The following LNPEP variants were observed in gnomAD, a reference collection of about 807,000 sequenced individuals.
LNPEP encodes leucyl and cystinyl aminopeptidase.
A neutral mutation model predicts 120.6 loss-of-function variants in LNPEP; 64 were observed. That is an observed-to-expected ratio of 0.53 (90% CI 0.43 to 0.65). The LOEUF (loss-of-function observed/expected upper bound fraction) is 0.65. Among genes scored for constraint, LNPEP ranks in the 30% least tolerant of loss-of-function variants. LNPEP has a pLI of 0.00. For synonymous variants in LNPEP, 435 were observed against 425.4 expected (o/e 1.02, Z -0.28); for missense variants, 1,057 against 1,200.0 (o/e 0.88, Z 1.76).
intron 11 of LNPEP, among the ~76,000 whole-genome samples, chr5:97,008,695 C>G (rs1235397344): frequency 8.5e-6 from 1 of 117,702 alleles, no homozygotes. Context: ...GACAGAGTCT[C>G]GCTCTGTTGC....
chr5:97,006,549 G>A (rs1790792196), intron 11 of LNPEP, 34 bp downstream of exon 11: 2 of 1,133,956 alleles, frequency 1.8e-6, no homozygotes, highest in East Asian at 2.4e-5. Context: ...ATTGGAAATG[G>A]CATAATTTTA....
rs894501838 is a variant in LNPEP, at chr5:97,037,051, A to C, written c.*8518A>C. 1 of 152,186 alleles carries C rather than the reference A, an allele frequency of 6.6e-6. No individual in the cohort carries two copies. The highest frequency in any genetic ancestry group is 1.5e-5 in the Non-Finnish European group (1 of 68,026). The allele number at this position is 152,186 out of a possible 1,614,324, so 9.4% of individuals were successfully genotyped here. A position where few individuals can be genotyped will look rare whatever the true frequency, so the allele number is the denominator to read the frequency against. On this transcript the variant is annotated 3_prime_UTR_variant, in exon 18 of 18. Transcript: ENST00000231368. ...ACGCTGTGTATGTATGTGTATATAA[A>C]ATGAGAATTATGGCATAATTGGAGC...
At chr5:96,942,413 G>A (rs1052753448) in intron 1 of LNPEP, 3 of 152,284 alleles carry the variant, frequency 2.0e-5, no homozygotes, top group African/African-American at 7.2e-5. Context: ...CAGCACTTTG[G>A]GAGGCTGAGG....
intron 1 of LNPEP, among the ~76,000 whole-genome samples, chr5:96,970,964 C>T (rs1417727648): frequency 6.6e-6 from 1 of 152,008 alleles, no homozygotes; most frequent in Non-Finnish European, 1.5e-5. Context: ...TTCTCTCCTT[C>T]CTGAAGATCT....
At position 97,022,280 on chromosome 5, in the gene LNPEP, A is replaced by G. The variant is rs1429125648; in HGVS notation, c.2377-20A>G. The G allele has an allele frequency of 7.1e-7, 1 of 1,402,000 alleles. No homozygotes were observed. The highest frequency in any genetic ancestry group is 2.0e-5 in the Admixed American group (1 of 50,726). 86.8% of individuals were successfully genotyped at this position (1,402,000 alleles called of 1,614,324 possible). The stretch of plus-strand genomic sequence containing the variant: ...GTCCTAATTATTATGAAGCCATTAT[A>G]ATCTATTTTGTCTCTCTAGACTAGG... On this transcript the variant is annotated intron_variant, in intron 13 of 17. Transcript: ENST00000231368.
intron 2 of LNPEP, among the ~76,000 whole-genome samples, chr5:96,983,603 G>A (rs1024972123): frequency 4.6e-5 from 7 of 151,978 alleles, no homozygotes; most frequent in Non-Finnish European, 7.4e-5. Context: ...GTGCTACCAT[G>A]CCTGGCTAAT....
At chr5:96,971,576 AT>A (rs1401723693) in intron 1 of LNPEP, among the ~76,000 whole-genome samples, 1 of 151,784 alleles carries the variant, frequency 6.6e-6, no homozygotes, top group Non-Finnish European at 1.5e-5. Context: ...TGCTGTGTTT[AT>A]TTTTCTTCAA....
At position 96,951,814 on chromosome 5, in the gene LNPEP, A is replaced by T. The variant is rs1018690329; in HGVS notation, c.19+15640A>T. Reference sequence around the variant, plus strand: ...GATGATCCAAAAAACCCCTTGTCCCATTTTTGTCCTGCACTGAAGCAATTC... The same window carrying T: ...GATGATCCAAAAAACCCCTTGTCCCTTTTTTGTCCTGCACTGAAGCAATTC... On this transcript the variant is annotated intron_variant, in intron 1 of 17. Coordinates refer to ENST00000231368, the MANE Select transcript of LNPEP (RefSeq NM_005575.3). Among the ~76,000 whole-genome samples the T allele has an allele frequency of 3.9e-4, 59 of 151,572 alleles. 1 individual carries two copies. Among genetic ancestry groups the T allele is most frequent in the Non-Finnish European group, 1.0e-4 (7 of 67,914 alleles).
At chr5:96,959,641 TAA>T (rs1398583511) in intron 1 of LNPEP, among the ~76,000 whole-genome samples, 2 of 152,140 alleles carry the variant, frequency 1.3e-5, no homozygotes, top group Non-Finnish European at 2.9e-5. Context: ...TTTGAAGACT[TAA>T]GTGACATTTT....
At chr5:96,941,602 A>T (rs1426352615) in intron 1 of LNPEP, among the ~76,000 whole-genome samples, 1 of 151,948 alleles carries the variant, frequency 6.6e-6, no homozygotes, top group Admixed American at 6.6e-5. Flanking sequence ...TTCTTTTTAT[A>T]TCTAGATCTT....
intron 1 of LNPEP, among the ~76,000 whole-genome samples, chr5:96,976,965 T>C (rs1790014392): frequency 1.3e-5 from 2 of 151,772 alleles, no homozygotes. Context: ...CTATAGGAAG[T>C]TTAGGAGATT....
chr5:96,999,542 T>C (rs1790596250), intron 8 of LNPEP, among the ~76,000 whole-genome samples: 1 of 152,182 alleles, frequency 6.6e-6, no homozygotes, highest in African/African-American at 2.4e-5. Context: ...AAGACCATAG[T>C]GGACCTGTCA....
intron 1 of LNPEP, among the ~76,000 whole-genome samples, chr5:96,956,864 T>A (rs1486402060): frequency 6.6e-6 from 1 of 152,200 alleles, no homozygotes; most frequent in Non-Finnish European, 1.5e-5. Context: ...AATTGAATCA[T>A]TTCTGTTAAT....
At chr5:97,025,816 A>G (rs1308998186) in intron 15 of LNPEP, among the ~76,000 whole-genome samples, 1 of 94,910 alleles carries the variant, frequency 1.1e-5, no homozygotes, top group African/African-American at 4.0e-5. Context: ...TGCTTTATAT[A>G]TAAAAAAAAA....
intron 1 of LNPEP, chr5:96,962,571 T>C (rs1029291380): frequency 6.6e-6 from 1 of 152,034 alleles, no homozygotes; most frequent in East Asian, 1.9e-4. Context: ...GTAACTTGCT[T>C]AAGGCTACAC....
At position 96,965,906 on chromosome 5, in the gene LNPEP, T is replaced by C. The variant is rs536236653; in HGVS notation, c.20-13232T>C. On this transcript the variant is annotated intron_variant, in intron 1 of 17. Transcript: ENST00000231368. ...TATGATTAAGATTTGTATTATATTA[T>C]AGTTATTTATTTGGTCCTGTCCTTG... Among the ~76,000 whole-genome samples, 3 of 152,260 alleles carry C rather than the reference T, an allele frequency of 2.0e-5. No individual in the cohort carries two copies. The East Asian group carries it at 5.8e-4, about 29-fold the overall frequency.
intron 17 of LNPEP, among the ~76,000 whole-genome samples, 175 bp downstream of exon 17, chr5:97,027,989 T>C (rs1791388292): frequency 6.6e-6 from 1 of 152,178 alleles, no homozygotes; most frequent in African/African-American, 2.4e-5. Context: ...GTGGCATATA[T>C]GATAATGAGG....
intron 15 of LNPEP, among the ~76,000 whole-genome samples, chr5:97,025,026 A>G (rs1006793308): frequency 1.3e-5 from 2 of 152,232 alleles, no homozygotes; most frequent in African/African-American, 4.8e-5. Flanking sequence ...GTCATTTTAA[A>G]AATGTAGGCA....
rs781727347 is a variant in LNPEP at position 97,008,337 on chromosome 5, G to GTTTTTTTTTTTTTTTTTTTTTTTT, written c.2035+1830_2035+1853dup. 5.0e-4 allele frequency among the ~76,000 whole-genome samples: 30 copies of GTTTTTTTTTTTTTTTTTTTTTTTT among 59,844 alleles called. 3 individuals are homozygous for GTTTTTTTTTTTTTTTTTTTTTTTT. The highest frequency in any genetic ancestry group is 6.7e-4 in the African/African-American group (9 of 13,356). The allele number at this position is 59,844 out of a possible 152,430, so 39.3% of individuals were successfully genotyped here. A position where few individuals can be genotyped will look rare whatever the true frequency, so the allele number is the denominator to read the frequency against. On this transcript the variant is annotated intron_variant, in intron 11 of 17. Coordinates refer to ENST00000231368, the MANE Select transcript of LNPEP (RefSeq NM_005575.3). ...TTGATTTTTTTGTTTGTTTTTTCTTGTTTTTTTTTTTTTTTTTTTTTTTTT... is the reference window on the plus strand; with the variant it reads ...TTGATTTTTTTGTTTGTTTTTTCTTGTTTTTTTTTTTTTTTTTTTTTTTTTTTTTTTTTTTTTTTTTTTTTTTTT...
Sources: gnomAD v4.1 joint callset for allele counts (sites outside exome capture counted in the v4.1 genomes callset) on GRCh38, gnomAD v4.1.1 for gene constraint, MANE v1.5 for transcripts, NCBI Gene and HGNC (gene_info 2026-07-23, HGNC 2026-07-21) for gene names.